The following PKD1L1 variants were observed in gnomAD, a reference collection of about 807,000 sequenced individuals.
PKD1L1 encodes polycystin 1 like 1, transient receptor potential channel interacting, also known as polycystin-1-like protein 1.
Under a neutral mutation model 323.4 loss-of-function variants are expected in PKD1L1, and 236 were observed. The observed-to-expected ratio is 0.73, with a 90% CI of 0.66 to 0.81. PKD1L1 has a LOEUF of 0.81. Ranked by LOEUF, PKD1L1 falls within the 40% of genes least tolerant of loss-of-function variation. The probability of loss-of-function intolerance (pLI) is 0.00; values close to 1 mark genes in which losing one functional copy is unlikely to be tolerated. For synonymous variants in PKD1L1, 1,344 were observed against 1,335.0 expected, an observed-to-expected ratio of 1.01 and a Z score of -0.15; for missense variants, 3,320 against 3,508.0, an observed-to-expected ratio of 0.95 and a Z score of 1.35.
Position 47,833,174 on chromosome 7 carries a change from C to T in PKD1L1, c.6253G>A (p.Ala2085Thr), listed in dbSNP as rs760232947. The change falls in exon 41 of 57, where the codon GCC becomes ACC. Residue 2085 changes from alanine to threonine, a missense_variant. By Grantham distance (58) the Ala-to-Thr change is moderately conservative (BLOSUM62 0). Coordinates refer to ENST00000289672, the MANE Select transcript of PKD1L1 (RefSeq NM_138295.5). Reference protein sequence around the residue: ...AASDNGTACPAPKLQVHGADH... With the variant: ...AASDNGTACPTPKLQVHGADH... ...GCCCCATGAACCTGCAGCTTAGGGG[C>T]TGGACAAGCTGTGCCATTGTCACTT... is the stretch of plus-strand genomic sequence containing the variant. The T allele has an allele frequency of 1.2e-6, 2 of 1,612,640 alleles. No homozygotes were observed. The highest frequency in any genetic ancestry group is 2.2e-5 in the East Asian group (1 of 44,886).
chr7:47,952,445 C>T (rs1318550088), upstream of PKD1L1, among the ~76,000 whole-genome samples: 2 of 152,180 alleles, frequency 1.3e-5, no homozygotes, highest in Non-Finnish European at 2.9e-5. Context: ...GGCCTTGCTC[C>T]GCCCCATGGG....
In PKD1L1 at chr7:47,878,877, T is replaced by C. The variant is rs1172031437; in HGVS notation, c.3521-1246A>G. 4.6e-5 allele frequency among the ~76,000 whole-genome samples: 7 copies of C among 152,178 alleles called. No individual in the cohort carries two copies. The East Asian group carries it at 1.3e-3, about 29-fold the overall frequency. On this transcript the variant is annotated intron_variant, in intron 21 of 56. Coordinates refer to ENST00000289672, the MANE Select transcript of PKD1L1 (RefSeq NM_138295.5). ...AGACCTGGAGCCTGAGTGCACCACC[T>C]GGCAGCCAGCCAAGGACACTGACCA... is the stretch of plus-strand genomic sequence containing the variant.
At chr7:47,924,811 C>T (rs1024454947) in intron 7 of PKD1L1, among the ~76,000 whole-genome samples, 1 of 152,164 alleles carries the variant, frequency 6.6e-6, no homozygotes, top group Non-Finnish European at 1.5e-5. Flanking sequence ...TATAATTCTA[C>T]AAAAGCAGTT....
intron 27 of PKD1L1, 135 bp from the exon 28 acceptor site, chr7:47,857,967 G>T: frequency 2.6e-6 from 2 of 770,492 alleles, no homozygotes; most frequent in South Asian, 1.8e-5. Flanking sequence ...AAGCAAGAGC[G>T]CAGGTCTTAG....
At chr7:47,861,843 T>TACACTCC (rs1231246553) in intron 26 of PKD1L1, among the ~76,000 whole-genome samples, 1 of 119,218 alleles carries the variant, frequency 8.4e-6, no homozygotes, top group Non-Finnish European at 1.6e-5. Flanking sequence ...CTTGCCCCAC[T>TACACTCC]ACACTCCAGC....
intron 37 of PKD1L1, among the ~76,000 whole-genome samples, chr7:47,836,608 A>G (rs534770705): frequency 6.6e-6 from 1 of 152,370 alleles, no homozygotes; most frequent in African/African-American, 2.4e-5. Flanking sequence ...CCAACTTAAA[A>G]AAAAATTCAA....
chr7:47,798,924 C>G (rs1251934516), intron 54 of PKD1L1, among the ~76,000 whole-genome samples: 2 of 152,126 alleles, frequency 1.3e-5, no homozygotes, highest in African/African-American at 4.8e-5. Flanking sequence ...AAATTTACAA[C>G]TTCTGCTCTG....
chr7:47,913,672 T>G (rs900704889), intron 8 of PKD1L1, among the ~76,000 whole-genome samples: 3 of 152,216 alleles, frequency 2.0e-5, no homozygotes, highest in Non-Finnish European at 4.4e-5. Context: ...ATTGTAAGTT[T>G]CCTGAGGCTT....
chr7:47,923,103 T>A (rs1174053258), intron 7 of PKD1L1, among the ~76,000 whole-genome samples: 1 of 151,968 alleles, frequency 6.6e-6, no homozygotes, highest in Admixed American at 6.6e-5. Context: ...CAGTGCAAGG[T>A]GTGCTTTGTT....
chr7:47,841,233 C>T (rs1467455974), intron 34 of PKD1L1, among the ~76,000 whole-genome samples: 2 of 152,044 alleles, frequency 1.3e-5, no homozygotes, highest in African/African-American at 4.8e-5. Context: ...TTAATAGTAC[C>T]TTTTTCTACA....
At chr7:47,800,041 G>A (rs1270157360) in intron 54 of PKD1L1, among the ~76,000 whole-genome samples, 1 of 152,236 alleles carries the variant, frequency 6.6e-6, no homozygotes, top group Non-Finnish European at 1.5e-5. Flanking sequence ...ATTGTTTACT[G>A]AAACTTAACT....
At chr7:47,793,352 G>C (rs1021229358) in intron 55 of PKD1L1, among the ~76,000 whole-genome samples, 1 of 152,100 alleles carries the variant, frequency 6.6e-6, no homozygotes, top group Admixed American at 6.5e-5. Flanking sequence ...TGTGTTGTGG[G>C]AGGGACCTGG....
chr7:47,911,292 T>C (rs560035707), intron 8 of PKD1L1, among the ~76,000 whole-genome samples: 2 of 152,288 alleles, frequency 1.3e-5, no homozygotes, highest in African/African-American at 2.4e-5. Context: ...TCTACCATGA[T>C]TGTAAACTTC....
chr7:47,861,764 T>C (rs1371579284), intron 26 of PKD1L1, among the ~76,000 whole-genome samples: 3 of 150,438 alleles, frequency 2.0e-5, no homozygotes, highest in Non-Finnish European at 4.4e-5. Context: ...GCCTGTAGTC[T>C]CAGCTGCTGG....
rs1423587668 is a variant in PKD1L1 at position 47,937,243 on chromosome 7, C to T, written c.286-285G>A. On this transcript the variant is annotated intron_variant, in intron 3 of 56. Coordinates refer to ENST00000289672, the MANE Select transcript of PKD1L1 (RefSeq NM_138295.5). Reference sequence around the variant, plus strand: ...GCTGCAGGAGGGATTCGTGCGGGGTCGGGACGGGGTGGGGGTGGGGGGGGG... The same window carrying T: ...GCTGCAGGAGGGATTCGTGCGGGGTTGGGACGGGGTGGGGGTGGGGGGGGG... Among the ~76,000 whole-genome samples the T allele has an allele frequency of 1.5e-3, 13 of 8,528 alleles. 1 individual carries two copies. The highest frequency in any genetic ancestry group is 4.7e-3 in the African/African-American group (7 of 1,502). The allele number at this position is 8,528 out of a possible 152,430, so 5.6% of individuals were successfully genotyped here.
Position 47,884,650 on chromosome 7 carries a change from T to C in PKD1L1, c.3213A>G (p.Glu1071=). The C allele has an allele frequency of 3.1e-6, 5 of 1,613,296 alleles. No individual in the cohort carries two copies. The highest frequency in any genetic ancestry group is 4.2e-6 in the Non-Finnish European group (5 of 1,179,244). The change falls in exon 19 of 57, where the codon GAA becomes GAG. Residue 1071 remains glutamate, a synonymous_variant. Coordinates refer to ENST00000289672, the MANE Select transcript of PKD1L1 (RefSeq NM_138295.5). ...HSPDPHLSDF[E]AYYSDIQEAI... ...CTTCTTGAATGTCACTGTAATAGGC[T>C]TCAAAATCTATAAGAAAGGACAAAA...
At chr7:47,922,763 C>T (rs796694392) in intron 7 of PKD1L1, among the ~76,000 whole-genome samples, 80 of 151,494 alleles carry the variant, frequency 5.3e-4, no homozygotes, top group African/African-American at 1.8e-3. Flanking sequence ...GGGGGGCAGC[C>T]CCCACCCCGG....
chr7:47,811,745 G>A (rs1158071645), intron 50 of PKD1L1, 72 bp downstream of exon 50: 3 of 1,288,084 alleles, frequency 2.3e-6, no homozygotes, highest in Admixed American at 4.1e-5. Context: ...CTGTCTGGTG[G>A]AGAAGCCCAG....
At chr7:47,781,719 T>C (rs1480678803) in intron 56 of PKD1L1, among the ~76,000 whole-genome samples, 1 of 152,050 alleles carries the variant, frequency 6.6e-6, no homozygotes, top group Non-Finnish European at 1.5e-5. Flanking sequence ...AGAACAAAAA[T>C]TTTCAATTTT....
Sources: gnomAD v4.1 joint callset for allele counts (sites outside exome capture counted in the v4.1 genomes callset) on GRCh38, gnomAD v4.1.1 for gene constraint, MANE v1.5 for transcripts, NCBI Gene and HGNC (gene_info 2026-07-23, HGNC 2026-07-21) for gene names.